Variants in ITFG1 observed in about 807,000 individuals in gnomAD.
ITFG1 encodes the protein T-cell immunomodulatory protein.
A neutral mutation model predicts 81.8 loss-of-function variants in ITFG1; 34 were observed. The ratio of observed to expected loss-of-function variants is 0.42; its 90% CI spans 0.32 to 0.55. The LOEUF (loss-of-function observed/expected upper bound fraction) is 0.55, where lower values mean the gene tolerates loss of function less well. Ranked by LOEUF, ITFG1 falls within the 20% of genes least tolerant of loss-of-function variation. The probability of loss-of-function intolerance (pLI) is 0.17; values close to 1 mark genes in which losing one functional copy is unlikely to be tolerated. For synonymous variants in ITFG1, 285 were observed against 270.6 expected, an observed-to-expected ratio of 1.05 and a Z score of -0.52; for missense variants, 672 against 755.4, an observed-to-expected ratio of 0.89 and a Z score of 1.29.
At chr16:47,404,104 A>G (rs1968698103) in intron 6 of ITFG1, among the ~76,000 whole-genome samples, 2 of 152,272 alleles carry the variant, frequency 1.3e-5, no homozygotes, top group East Asian at 3.9e-4. Context: ...CTGTGGAAAA[A>G]TAGTCTATCA....
At chr16:47,258,196 T>A (rs1346856016) in intron 12 of ITFG1, among the ~76,000 whole-genome samples, 1 of 152,228 alleles carries the variant, frequency 6.6e-6, no homozygotes, top group East Asian at 1.9e-4. Flanking sequence ...CTTCCTGATA[T>A]GATGCACTGA....
At chr16:47,259,966 T>G (rs1427567171) in intron 11 of ITFG1, among the ~76,000 whole-genome samples, 1 of 147,552 alleles carries the variant, frequency 6.8e-6, no homozygotes, top group Non-Finnish European at 1.5e-5. Context: ...TGAGACGGAG[T>G]CTTGCTCTGT....
At chr16:47,451,543 G>C (rs1969390022) in intron 4 of ITFG1, 73 bp from the exon 5 acceptor site, 4 of 809,000 alleles carry the variant, frequency 4.9e-6, no homozygotes, top group Non-Finnish European at 8.2e-6. Context: ...AAAAGAAGCA[G>C]TAACTTTTGG....
intron 13 of ITFG1, among the ~76,000 whole-genome samples, chr16:47,220,085 T>TCAG (rs1965673398): frequency 6.6e-6 from 1 of 152,174 alleles, no homozygotes; most frequent in Non-Finnish European, 1.5e-5. Flanking sequence ...CTGTATTCAG[T>TCAG]TAAAAAAAAT....
intron 10 of ITFG1, among the ~76,000 whole-genome samples, chr16:47,267,230 A>G (rs1396221104): frequency 6.6e-6 from 1 of 152,236 alleles, no homozygotes; most frequent in Non-Finnish European, 1.5e-5. Context: ...TTAAAAACAG[A>G]TATAGCAAGT....
intron 14 of ITFG1, among the ~76,000 whole-genome samples, chr16:47,189,826 T>A (rs1351644179): frequency 6.6e-6 from 1 of 152,192 alleles, no homozygotes; most frequent in Non-Finnish European, 1.5e-5. Context: ...AAGCCTCTAA[T>A]GAAGGAATGG....
rs544510600 is a variant in ITFG1 at position 47,218,041 on chromosome 16, A to C, written c.1453+827T>G. The C allele has an allele frequency of 7.2e-5, 11 of 152,336 alleles. No homozygotes were observed. In the South Asian group the frequency reaches 2.3e-3, roughly 32 times the overall value. The allele number at this position is 152,336 out of a possible 1,614,324, so 9.4% of individuals were successfully genotyped here. ...AGCAAGCAGTACAACTGAGACTCTT[A>C]AATGTGTGCAATTAGCTAAAAAAGT... On this transcript the variant is annotated intron_variant, in intron 14 of 17. Transcript: ENST00000320640.
intron 14 of ITFG1, among the ~76,000 whole-genome samples, chr16:47,209,342 T>C (rs1301408477): frequency 6.6e-6 from 1 of 152,176 alleles, no homozygotes; most frequent in African/African-American, 2.4e-5. Context: ...ATAGTATTGA[T>C]ATAATTCCAA....
At chr16:47,191,759 G>A (rs899505885) in intron 14 of ITFG1, among the ~76,000 whole-genome samples, 3 of 152,084 alleles carry the variant, frequency 2.0e-5, no homozygotes, top group African/African-American at 7.2e-5. Context: ...GAGGCCAGAG[G>A]TCACTTTGGC....
At chr16:47,269,790 A>G (rs905485764) in intron 10 of ITFG1, among the ~76,000 whole-genome samples, 32 of 152,236 alleles carry the variant, frequency 2.1e-4, no homozygotes, top group Admixed American at 1.5e-3. Flanking sequence ...TGACAAACTG[A>G]CCCTAAAATT....
At chr16:47,452,176 GAC>G (rs1969397595) in intron 4 of ITFG1, among the ~76,000 whole-genome samples, 4 of 152,140 alleles carry the variant, frequency 2.6e-5, no homozygotes, top group Admixed American at 2.6e-4. Context: ...CTGTAAGAAA[GAC>G]AGTACTGGAA....
chr16:47,384,759 C>T (rs1030696467), intron 6 of ITFG1, among the ~76,000 whole-genome samples: 3 of 152,208 alleles, frequency 2.0e-5, no homozygotes, highest in Admixed American at 6.5e-5. Context: ...GACTGCGTGG[C>T]AGTCAACTAG....
chr16:47,298,908 C>T (rs1239881620), intron 10 of ITFG1, among the ~76,000 whole-genome samples: 1 of 152,112 alleles, frequency 6.6e-6, no homozygotes, highest in African/African-American at 2.4e-5. Context: ...CTGGAGTGCT[C>T]AAGGGCTTGA....
chr16:47,310,417 G>T (rs1967239474), intron 10 of ITFG1, among the ~76,000 whole-genome samples: 1 of 152,036 alleles, frequency 6.6e-6, no homozygotes, highest in Non-Finnish European at 1.5e-5. Context: ...GAAAGAATAA[G>T]GGCTAAGGAA....
intron 1 of ITFG1, among the ~76,000 whole-genome samples, chr16:47,459,746 T>C (rs1236726449): frequency 6.6e-6 from 1 of 152,236 alleles, no homozygotes; most frequent in East Asian, 1.9e-4. Flanking sequence ...ACTTTTGGAA[T>C]TGTTTAATCA....
chr16:47,202,637 T>G (rs970528070), intron 14 of ITFG1, among the ~76,000 whole-genome samples: 1 of 151,446 alleles, frequency 6.6e-6, no homozygotes, highest in Non-Finnish European at 1.5e-5. Context: ...CAGGTATTGC[T>G]TCAAGCAGAA....
chr16:47,196,789 C>G (rs1434035614), intron 14 of ITFG1: 1 of 152,144 alleles, frequency 6.6e-6, no homozygotes, highest in Non-Finnish European at 1.5e-5. Context: ...AACCCCATCT[C>G]TACTGAAAAA....
intron 6 of ITFG1, among the ~76,000 whole-genome samples, chr16:47,414,290 C>T (rs1409889492): frequency 6.7e-6 from 1 of 150,204 alleles, no homozygotes; most frequent in African/African-American, 2.4e-5. Flanking sequence ...CTGGGAGGCA[C>T]AAGTGGGCAG....
chr16:47,301,999 T>C (rs1339695914), intron 10 of ITFG1, among the ~76,000 whole-genome samples: 4 of 151,944 alleles, frequency 2.6e-5, no homozygotes, highest in African/African-American at 4.8e-5. Context: ...GCCAACCATA[T>C]AGATGTGACC....
Sources: gnomAD v4.1 joint callset for allele counts (sites outside exome capture counted in the v4.1 genomes callset) on GRCh38, gnomAD v4.1.1 for gene constraint, MANE v1.5 for transcripts, NCBI Gene and HGNC (gene_info 2026-07-23, HGNC 2026-07-21) for gene names.